The following ORC3 variants were observed in gnomAD, a reference collection of about 807,000 sequenced individuals.
The protein encoded by ORC3 is homolog of latheo, Drosophila.
ORC3 carries 78 observed loss-of-function variants against 100.7 expected under a neutral mutation model. The ratio of observed to expected loss-of-function variants is 0.77; its 90% CI spans 0.65 to 0.94. The LOEUF (loss-of-function observed/expected upper bound fraction) is 0.94, where lower values mean the gene tolerates loss of function less well. Ranked by LOEUF, ORC3 falls within the 40% of genes least tolerant of loss-of-function variation. The pLI is 0.00. For missense variants in ORC3, 789 were observed against 823.9 expected, an observed-to-expected ratio of 0.96 and a Z score of 0.52; for synonymous variants, 295 against 289.3, an observed-to-expected ratio of 1.02 and a Z score of -0.20.
At chr6:87,601,604 G>A (rs775697259) in intron 2 of ORC3, among the ~76,000 whole-genome samples, 180 bp from the exon 3 acceptor site, 3 of 151,936 alleles carry the variant, frequency 2.0e-5, no homozygotes, top group South Asian at 2.1e-4. Flanking sequence ...CCTGGGAGGC[G>A]GAGATCGCAC....
At chr6:87,640,525 T>A (rs1436495811) in intron 13 of ORC3, among the ~76,000 whole-genome samples, 2 of 152,198 alleles carry the variant, frequency 1.3e-5, no homozygotes, top group Non-Finnish European at 2.9e-5. Context: ...TATGAGTAGG[T>A]TAATTTTTCA....
chr6:87,591,825 C>G (rs533004087), intron 1 of ORC3, among the ~76,000 whole-genome samples: 1 of 151,928 alleles, frequency 6.6e-6, no homozygotes, highest in South Asian at 2.1e-4. Flanking sequence ...TCCACCTCCC[C>G]GATTCAAGCT....
chr6:87,652,740 T>G (rs1299962593), intron 13 of ORC3, among the ~76,000 whole-genome samples: 3 of 152,238 alleles, frequency 2.0e-5, no homozygotes, highest in South Asian at 4.1e-4. Flanking sequence ...TTCCACTGCT[T>G]CTTCTCATTT....
chr6:87,601,664 T>C, intron 2 of ORC3, 120 bp from the exon 3 acceptor site: 1 of 604,634 alleles, frequency 1.7e-6, no homozygotes, highest in Non-Finnish European at 3.0e-6. Flanking sequence ...AGAGTGAGAC[T>C]CCATATCAAA....
intron 11 of ORC3, among the ~76,000 whole-genome samples, chr6:87,627,281 G>A (rs1779983486): frequency 1.4e-5 from 2 of 144,350 alleles, no homozygotes; most frequent in Non-Finnish European, 3.0e-5. Flanking sequence ...TTACAGGTGT[G>A]AGCCACCGCG....
At chr6:87,649,019 C>T (rs1051946784) in intron 13 of ORC3, among the ~76,000 whole-genome samples, 2 of 152,188 alleles carry the variant, frequency 1.3e-5, no homozygotes, top group African/African-American at 4.8e-5. Context: ...TACACTTTTG[C>T]TGCTGCTGGA....
intron 9 of ORC3, among the ~76,000 whole-genome samples, chr6:87,619,034 G>C (rs1779358222): frequency 6.6e-6 from 1 of 152,152 alleles, no homozygotes; most frequent in Non-Finnish European, 1.5e-5. Flanking sequence ...TCCTTAAAAG[G>C]TGGCAGTTAA....
chr6:87,670,641 G>A (rs1243814068), downstream of ORC3, among the ~76,000 whole-genome samples: 1 of 152,142 alleles, frequency 6.6e-6, no homozygotes, highest in Non-Finnish European at 1.5e-5. Context: ...ATCTTACAAA[G>A]GAAGTATTCT....
In ORC3 at chr6:87,657,639, A is replaced by G. The variant is rs1487751259; in HGVS notation, c.1594-282A>G. Reference sequence around the variant, plus strand: ...TTTCTTAAATGACTTAATGGACTGAATAGTGAGCACTCTGCCATGTAATTT... The same window carrying G: ...TTTCTTAAATGACTTAATGGACTGAGTAGTGAGCACTCTGCCATGTAATTT... On this transcript the variant is annotated intron_variant, in intron 15 of 19. Coordinates refer to ENST00000392844, the MANE Select transcript of ORC3 (RefSeq NM_012381.4). Among the ~76,000 whole-genome samples, 3 of 152,354 alleles carry G rather than the reference A, an allele frequency of 2.0e-5. No individual in the cohort carries two copies. In the East Asian group the frequency reaches 5.8e-4, roughly 29 times the overall value.
At chr6:87,652,137 G>C (rs1196903096) in intron 13 of ORC3, among the ~76,000 whole-genome samples, 1 of 151,988 alleles carries the variant, frequency 6.6e-6, no homozygotes, top group Non-Finnish European at 1.5e-5. Flanking sequence ...TGACCTCGTG[G>C]TCCACCCGCC....
intron 13 of ORC3, among the ~76,000 whole-genome samples, chr6:87,644,678 G>A (rs1455833931): frequency 2.0e-5 from 3 of 151,972 alleles, no homozygotes; most frequent in Non-Finnish European, 4.4e-5. Flanking sequence ...GCGAAACCCC[G>A]TCTCTACTAA....
At chr6:87,676,596 A>AACACACGCACGCGCGCAC in the ORC3 span, among the ~76,000 whole-genome samples, 351 of 142,140 alleles carry the variant, frequency 2.5e-3, 1 homozygote, top group African/African-American at 8.9e-3. Flanking sequence ...CTCTACTAAA[A>AACACACGCACGCGCGCAC]ACACACACAC....
intron 6 of ORC3, among the ~76,000 whole-genome samples, chr6:87,608,626 CAG>C (rs969198152): frequency 2.0e-5 from 3 of 152,100 alleles, no homozygotes; most frequent in African/African-American, 4.8e-5. Context: ...TGGTTTATGT[CAG>C]ATATCTTTTT....
At chr6:87,644,089 T>TTTTTTTTTTTTTTTG (rs1768527118) in intron 13 of ORC3, among the ~76,000 whole-genome samples, 1 of 76,924 alleles carries the variant, frequency 1.3e-5, no homozygotes, top group African/African-American at 5.1e-5. Context: ...CTTTTTTTTT[T>TTTTTTTTTTTTTTTG]TTTTTTTTTT....
chr6:87,590,213 A>C lies in ORC3; in HGVS notation c.24+21A>C, dbSNP rs554148837. 8.7e-6 allele frequency: 14 copies of C among 1,612,410 alleles called. No individual in the cohort carries two copies. The East Asian group carries it at 2.5e-4, about 28-fold the overall frequency. On this transcript the variant is annotated intron_variant, in intron 1 of 19. Transcript: ENST00000392844. The stretch of plus-strand genomic sequence containing the variant: ...CTAAGGTATGTGGTGGCCGATGCGC[A>C]CTGTGGCTCTACCGCTGCCTCATTC...
chr6:87,594,361 T>A lies in ORC3; in HGVS notation c.33T>A (p.Phe11Leu), dbSNP rs1288573027. Reference protein sequence around the residue: MATSSMSKGCFVFKPNSKKRK... With the variant: MATSSMSKGCLVFKPNSKKRK... ...CGTCTTTCTTTTTATAGGGTTGCTT[T>A]GTTTTTAAGCCAAACTCCAAAAAGA... The change falls in exon 2 of 20, where the codon TTT becomes TTA. Residue 11 changes from phenylalanine (F) to leucine (L), a missense_variant. By Grantham distance (22) the Phe-to-Leu change is conservative. This residue lies in a region of ORC3 where 399 missense variants were observed against 382.0 expected (regional missense o/e 1.04). Transcript: ENST00000392844. 2 of 1,584,258 alleles carry A rather than the reference T, an allele frequency of 1.3e-6. No individual in the cohort carries two copies. Among genetic ancestry groups the A allele is most frequent in the Non-Finnish European group, 1.7e-6 (2 of 1,159,306 alleles).
Position 87,657,946 on chromosome 6 carries a change from G to A in ORC3, c.1619G>A (p.Arg540Lys), listed in dbSNP as rs772220228. ...QKSLLEMKEL[R>K]RSKKQTKFEV... ...TCCTTATTGGAAATGAAGGAGTTAAGAAGAAGTAAGAAGCAAACCAAATTT... is the reference window on the plus strand; with the variant it reads ...TCCTTATTGGAAATGAAGGAGTTAAAAAGAAGTAAGAAGCAAACCAAATTT... The change falls in exon 16 of 20, where the codon AGA becomes AAA. Residue 540 changes from arginine to lysine, a missense_variant. Physicochemically the swap from Arg to Lys is conservative, Grantham distance 26 (BLOSUM62 2). Transcript: ENST00000392844. 2 of 1,584,592 alleles carry A rather than the reference G, an allele frequency of 1.3e-6. No homozygotes were observed. The highest frequency in any genetic ancestry group is 1.3e-5 in the African/African-American group (1 of 74,400).
At chr6:87,676,918 T>C in the ORC3 span, among the ~76,000 whole-genome samples, 4 of 147,424 alleles carry the variant, frequency 2.7e-5, no homozygotes, top group Non-Finnish European at 6.0e-5. Flanking sequence ...CTACTAAAAA[T>C]ACAAGAAAAT....
Position 87,603,450 on chromosome 6 carries a change from T to C in ORC3, c.244T>C (p.Ser82Pro). 6.5e-7 allele frequency: 1 copy of C among 1,533,144 alleles called. No homozygotes were observed. The highest frequency in any genetic ancestry group is 8.9e-7 in the Non-Finnish European group (1 of 1,123,416). The allele number at this position is 1,533,144 out of a possible 1,614,324, so 95.0% of individuals were successfully genotyped here. The change falls in exon 4 of 20, where the codon TCT becomes CCT. Residue 82 changes from serine to proline, a missense_variant. By Grantham distance (74) the Ser-to-Pro change is moderately conservative. Around this residue, in one of 3 missense-constraint regions of ORC3, gnomAD observed 399 missense variants for 382.0 expected, o/e 1.04. Coordinates refer to ENST00000392844, the MANE Select transcript of ORC3 (RefSeq NM_012381.4). Reference sequence around the variant, plus strand: ...GATTGAATTTCTGCAAAAATCACATTCTGGATTCCAGAAGAATTCAAGAGA... The same window carrying C: ...GATTGAATTTCTGCAAAAATCACATCCTGGATTCCAGAAGAATTCAAGAGA... Reference protein sequence around the residue: ...NLIEFLQKSHSGFQKNSRDLG... With the variant: ...NLIEFLQKSHPGFQKNSRDLG...
Sources: gnomAD v4.1 joint callset for allele counts (sites outside exome capture counted in the v4.1 genomes callset) on GRCh38, gnomAD v4.1.1 for gene constraint, gnomAD v4.1.1 regional missense constraint, MANE v1.5 for transcripts, NCBI Gene and HGNC (gene_info 2026-07-23, HGNC 2026-07-21) for gene names.